DBF4B: variants seen among roughly 807,000 people sequenced by gnomAD.
The protein encoded by DBF4B is DBF4B-CDC7 kinase regulatory subunit, also known as protein DBF4 homolog B.
Under a neutral mutation model 53.4 loss-of-function variants are expected in DBF4B, and 49 were observed. That is an observed-to-expected ratio of 0.92 (90% CI 0.73 to 1.16). DBF4B has a LOEUF of 1.16. DBF4B is among the 50% of genes most tolerant of loss of function. DBF4B has a pLI of 0.00. For synonymous variants in DBF4B, 257 were observed against 288.7 expected (o/e 0.89, Z 1.11); for missense variants, 692 against 775.0 (o/e 0.89, Z 1.27).
intron 3 of DBF4B, among the ~76,000 whole-genome samples, chr17:44,728,690 G>A (rs1027511831): frequency 5.3e-5 from 8 of 151,472 alleles, no homozygotes; most frequent in African/African-American, 9.7e-5. Context: ...GGTGGCATGC[G>A]CCTGTAGTCT....
intron 10 of DBF4B, among the ~76,000 whole-genome samples, chr17:44,743,801 G>T (rs2145115624): frequency 6.6e-6 from 1 of 151,420 alleles, no homozygotes; most frequent in South Asian, 2.1e-4. Flanking sequence ...AGTACAGATG[G>T]GGTTTCACTA....
chr17:44,731,057 A>G (rs948900107), intron 5 of DBF4B, 42 bp downstream of exon 5: 13 of 1,611,612 alleles, frequency 8.1e-6, no homozygotes, highest in Non-Finnish European at 9.3e-6. Context: ...GGTCTCCAGC[A>G]TAGGGAGGGA....
intron 2 of DBF4B, among the ~76,000 whole-genome samples, chr17:44,715,563 A>G (rs141113181): frequency 3.3e-5 from 5 of 151,986 alleles, no homozygotes; most frequent in Non-Finnish European, 7.4e-5. Context: ...AATTTCCACA[A>G]CTTAATCTCC....
intron 3 of DBF4B, among the ~76,000 whole-genome samples, chr17:44,729,350 T>C (rs1282648839): frequency 2.0e-5 from 3 of 150,956 alleles, no homozygotes; most frequent in Non-Finnish European, 4.4e-5. Flanking sequence ...TATAGGTGCA[T>C]GTAACAACAC....
chr17:44,749,393 G>A lies in DBF4B; in HGVS notation c.1189+928G>A, dbSNP rs1264562557. The A allele has an allele frequency of 1.6e-6, 2 of 1,289,448 alleles. No individual in the cohort carries two copies. Among genetic ancestry groups the A allele is most frequent in the African/African-American group, 1.5e-5 (1 of 65,994 alleles). 79.9% of individuals were successfully genotyped at this position (1,289,448 alleles called of 1,614,324 possible). A position where few individuals can be genotyped will look rare whatever the true frequency, so the allele number is the denominator to read the frequency against. On this transcript the variant is annotated intron_variant, in intron 13 of 13. Transcript: ENST00000315005. This position sits in a 1 kb window ranked among gnomAD's most constrained non-coding sequence, Gnocchi z 4.4. Reference sequence around the variant, plus strand: ...ACAGATACAACTTACTCCTCTGCTGGGTGCTGCACACCCGGCCAGGGCTGA... The same window carrying A: ...ACAGATACAACTTACTCCTCTGCTGAGTGCTGCACACCCGGCCAGGGCTGA...
intron 2 of DBF4B, among the ~76,000 whole-genome samples, chr17:44,710,787 G>A (rs999210869): frequency 6.6e-6 from 1 of 151,794 alleles, no homozygotes; most frequent in African/African-American, 2.4e-5. Flanking sequence ...TGCCCAGGCC[G>A]GTCTTCAACT....
chr17:44,741,450 C>T lies in DBF4B; in HGVS notation c.828C>T (p.Thr276=). ...CGACCCTGGGCAGCATGCACCATAC[C>T]AGGTGGGTCTTTCTGGTTCCTGAGT... ...APTTLGSMHH[T]RESKDGEPSP... is the part of the protein sequence containing the mutation. Residue 276 remains threonine, a splice_region_variant and synonymous_variant, in exon 10 of 14, where the codon ACC becomes ACT. Coordinates refer to ENST00000315005, the MANE Select transcript of DBF4B (RefSeq NM_145663.3). 6.3e-7 allele frequency: 1 copy of T among 1,592,150 alleles called. No individual in the cohort carries two copies. The highest frequency in any genetic ancestry group is 1.1e-5 in the South Asian group (1 of 87,948).
intron 3 of DBF4B, among the ~76,000 whole-genome samples, chr17:44,726,550 C>T (rs1974364505): frequency 1.3e-5 from 2 of 151,920 alleles, no homozygotes; most frequent in African/African-American, 4.8e-5. Flanking sequence ...GCATGAGCCA[C>T]AGCATCCAGC....
chr17:44,748,268 C>T, intron 12 of DBF4B, 73 bp from the exon 13 acceptor site: 1 of 1,514,944 alleles, frequency 6.6e-7, no homozygotes, highest in Non-Finnish European at 8.9e-7. Context: ...GCAGCTCTCC[C>T]TGTGCCCTCA....
intron 2 of DBF4B, among the ~76,000 whole-genome samples, chr17:44,722,633 A>T (rs1001565229): frequency 1.2e-4 from 19 of 152,158 alleles, no homozygotes; most frequent in Non-Finnish European, 1.9e-4. Flanking sequence ...GCTTCCCTAG[A>T]TTTAGATTCT....
intron 2 of DBF4B, chr17:44,720,639 A>C (rs1973745448): frequency 6.5e-6 from 1 of 154,254 alleles, no homozygotes; most frequent in South Asian, 2.0e-4. Context: ...CTATATGATT[A>C]ATATTGCTAT....
chr17:44,708,965 A>T (rs1339356078), intron 1 of DBF4B, 126 bp downstream of exon 1: 3 of 1,360,636 alleles, frequency 2.2e-6, no homozygotes, highest in Non-Finnish European at 3.0e-6. Context: ...AGGAGGGTAT[A>T]GGGGCCGGGA....
chr17:44,749,210 G>A lies in DBF4B; in HGVS notation c.1189+745G>A. 1 of 1,290,190 alleles carries A rather than the reference G, an allele frequency of 7.8e-7. No homozygotes were observed. The highest frequency in any genetic ancestry group is 1.0e-6 in the Non-Finnish European group (1 of 988,866). The allele number at this position is 1,290,190 out of a possible 1,614,324, so 79.9% of individuals were successfully genotyped here. A position where few individuals can be genotyped will look rare whatever the true frequency, so the allele number is the denominator to read the frequency against. The stretch of plus-strand genomic sequence containing the variant: ...GGAGCCAGCTGTTCCCGATGCCTCT[G>A]GGCCCCCCAGCCTCTCCAGGTGCCC... On this transcript the variant is annotated intron_variant, in intron 13 of 13. Transcript: ENST00000315005. The surrounding 1 kb of genome is among the most constrained non-coding windows in gnomAD (Gnocchi z 4.4).
Position 44,748,382 on chromosome 17 carries a change from C to T in DBF4B, c.1106C>T (p.Pro369Leu). 6.2e-7 allele frequency: 1 copy of T among 1,612,500 alleles called. No individual in the cohort carries two copies. Among genetic ancestry groups the T allele is most frequent in the African/African-American group, 1.3e-5 (1 of 75,018 alleles). Residue 369 changes from proline (P) to leucine (L), a missense_variant, in exon 13 of 14, where the codon CCT becomes CTT. By Grantham distance (98) the Pro-to-Leu change is moderately conservative. This residue lies in a region of DBF4B where 597 missense variants were observed against 665.8 expected (regional missense o/e 0.90). Transcript: ENST00000315005. ...GCTTCTGATTGTGACCCTCTCTGTC[C>T]TGAGACTCTGCACCCCCATCAGCCC... ...SPASDCDPLCPETLHPHQPSH... is the reference protein window; with the variant it reads ...SPASDCDPLCLETLHPHQPSH...
At chr17:44,723,848 T>C in intron 3 of DBF4B, among the ~76,000 whole-genome samples, 1 of 152,148 alleles carries the variant, frequency 6.6e-6, no homozygotes, top group East Asian at 1.9e-4. Flanking sequence ...CAGTGGCTCA[T>C]GACTGTCCTC....
At chr17:44,736,287 A>G (rs1393662579) in intron 7 of DBF4B, among the ~76,000 whole-genome samples, 1 of 151,880 alleles carries the variant, frequency 6.6e-6, no homozygotes, top group Non-Finnish European at 1.5e-5. Context: ...CCCGGCCTCC[A>G]TTTACTTTTT....
At chr17:44,724,192 G>A (rs1598789863) in intron 3 of DBF4B, among the ~76,000 whole-genome samples, 1 of 152,212 alleles carries the variant, frequency 6.6e-6, no homozygotes, top group African/African-American at 2.4e-5. Flanking sequence ...GAGCCCAGGA[G>A]TTTAGATCAC....
chr17:44,712,368 C>A (rs956225430), intron 2 of DBF4B, among the ~76,000 whole-genome samples: 10 of 118,198 alleles, frequency 8.5e-5, no homozygotes, highest in African/African-American at 3.2e-4. Context: ...GTGGCACAAT[C>A]ATCTCGGCTC....
At chr17:44,745,106 A>T (rs1976469451) in intron 10 of DBF4B, among the ~76,000 whole-genome samples, 1 of 152,006 alleles carries the variant, frequency 6.6e-6, no homozygotes, top group African/African-American at 2.4e-5. Flanking sequence ...TAATTTTTAT[A>T]TTTTTTGTAG....
Sources: allele counts gnomAD v4.1 joint callset (sites outside exome capture counted in the v4.1 genomes callset), GRCh38; gene constraint gnomAD v4.1.1; regional missense constraint gnomAD v4.1.1; non-coding constraint Gnocchi (gnomAD v3.1); transcripts MANE v1.5; gene names NCBI Gene and HGNC (gene_info 2026-07-23, HGNC 2026-07-21).